Variants in XKR6 observed in about 807,000 individuals in gnomAD.
The protein encoded by XKR6 is XK-related protein 6.
XKR6 carries 22 observed loss-of-function variants against 56.7 expected under a neutral mutation model. The observed-to-expected ratio is 0.39, with a 90% CI of 0.28 to 0.55. The LOEUF is 0.55. Ranked by LOEUF, XKR6 falls within the 20% of genes least tolerant of loss-of-function variation. The pLI is 0.66. For synonymous variants in XKR6, 524 were observed against 387.8 expected (o/e 1.35, Z -4.13); for missense variants, 852 against 889.0 (o/e 0.96, Z 0.53).
intron 1 of XKR6, chr8:11,114,117 G>A: frequency 2.3e-6 from 1 of 435,534 alleles, no homozygotes; most frequent in Non-Finnish European, 4.5e-6. Flanking sequence ...ACATGTGAAT[G>A]AACAAATGAG....
chr8:10,900,955 A>G (rs1388969729), intron 2 of XKR6, among the ~76,000 whole-genome samples: 1 of 149,594 alleles, frequency 6.7e-6, no homozygotes, highest in Admixed American at 6.7e-5. Flanking sequence ...CCTGTGCTCA[A>G]GTGATCCTCC....
intron 1 of XKR6, among the ~76,000 whole-genome samples, chr8:11,129,303 A>C (rs1799985403): frequency 6.6e-6 from 1 of 152,148 alleles, no homozygotes; most frequent in Non-Finnish European, 1.5e-5. Context: ...AATACCTAAT[A>C]CCCCTGATGT....
At chr8:10,966,063 G>C (rs1802213062) in intron 1 of XKR6, among the ~76,000 whole-genome samples, 1 of 152,188 alleles carries the variant, frequency 6.6e-6, no homozygotes, top group African/African-American at 2.4e-5. Context: ...GGTACATCCA[G>C]ATAACTTGGG....
chr8:11,192,183 G>C (rs1031977678), intron 1 of XKR6, among the ~76,000 whole-genome samples: 1 of 151,892 alleles, frequency 6.6e-6, no homozygotes, highest in African/African-American at 2.4e-5. Flanking sequence ...TTGTGAGGTG[G>C]AGTCTCGCTC....
At chr8:11,119,477 A>C (rs1799341353) in intron 1 of XKR6, among the ~76,000 whole-genome samples, 1 of 152,210 alleles carries the variant, frequency 6.6e-6, no homozygotes, top group South Asian at 2.1e-4. Flanking sequence ...GACTTGCTTT[A>C]TGAATCTGGG....
At chr8:11,174,700 C>T (rs942528761) in intron 1 of XKR6, among the ~76,000 whole-genome samples, 1 of 152,150 alleles carries the variant, frequency 6.6e-6, no homozygotes, top group African/African-American at 2.4e-5. Context: ...CCAGAGGTCA[C>T]GCTCAGTTAC....
chr8:10,949,510 C>T (rs796235804), intron 1 of XKR6, among the ~76,000 whole-genome samples: 5 of 152,236 alleles, frequency 3.3e-5, no homozygotes, highest in Admixed American at 6.5e-5. Flanking sequence ...GAAGGCACAC[C>T]TGTTCCTAGA....
intron 1 of XKR6, among the ~76,000 whole-genome samples, chr8:11,022,906 G>C (rs1798778331): frequency 6.6e-6 from 1 of 152,180 alleles, no homozygotes; most frequent in Admixed American, 6.5e-5. Flanking sequence ...CAGGGCAGGA[G>C]GCCCGGGGCT....
intron 1 of XKR6, among the ~76,000 whole-genome samples, chr8:10,989,738 TC>T (rs772028375): frequency 5.3e-5 from 8 of 152,240 alleles, no homozygotes; most frequent in Admixed American, 4.6e-4. Flanking sequence ...ATAGCACTGT[TC>T]AGAAGTATTA....
chr8:11,120,535 G>C (rs1385797129), intron 1 of XKR6, among the ~76,000 whole-genome samples: 2 of 152,094 alleles, frequency 1.3e-5, no homozygotes, highest in Non-Finnish European at 2.9e-5. Context: ...CGAAATAAAA[G>C]AGGATACAAA....
At chr8:10,941,976 C>T (rs921200505) in intron 1 of XKR6, among the ~76,000 whole-genome samples, 1 of 152,198 alleles carries the variant, frequency 6.6e-6, no homozygotes, top group Non-Finnish European at 1.5e-5. Flanking sequence ...TCCAAAAAGA[C>T]TCAGAAAGCC....
chr8:10,957,301 G>A (rs1801918855), intron 1 of XKR6, among the ~76,000 whole-genome samples: 1 of 152,188 alleles, frequency 6.6e-6, no homozygotes, highest in African/African-American at 2.4e-5. Context: ...AATCAGGAAA[G>A]CACAGAAAGG....
chr8:11,027,571 T>C (rs995325135), intron 1 of XKR6, among the ~76,000 whole-genome samples: 23 of 152,200 alleles, frequency 1.5e-4, no homozygotes, highest in Non-Finnish European at 2.4e-4. Context: ...CTCAGAGAAG[T>C]AGTAAATTAC....
chr8:11,018,361 G>C (rs1036479011), intron 1 of XKR6, among the ~76,000 whole-genome samples: 3 of 152,230 alleles, frequency 2.0e-5, no homozygotes, highest in African/African-American at 7.2e-5. Flanking sequence ...CACCTGCAGA[G>C]ATATTTGACA....
At chr8:11,121,023 G>A (rs150689496) in intron 1 of XKR6, among the ~76,000 whole-genome samples, 6,804 of 152,146 alleles carry the variant, frequency 0.045, 155 homozygotes, top group South Asian at 0.11. Flanking sequence ...TTACACCTTA[G>A]ACAAAAATTA....
intron 1 of XKR6, among the ~76,000 whole-genome samples, chr8:11,130,624 T>G (rs1476786609): frequency 2.0e-5 from 3 of 151,976 alleles, no homozygotes; most frequent in Non-Finnish European, 2.9e-5. Context: ...TTTTTTTTTT[T>G]TTAAGTTAAC....
chr8:11,023,179 C>G (rs111580770), intron 1 of XKR6, among the ~76,000 whole-genome samples: 11 of 152,226 alleles, frequency 7.2e-5, no homozygotes, highest in African/African-American at 2.4e-4. Context: ...GGAGGGCCCT[C>G]CCTCCATGTC....
chr8:11,123,713 A>C (rs1041364882), intron 1 of XKR6: 1 of 374,160 alleles, frequency 2.7e-6, no homozygotes, highest in African/African-American at 2.1e-5. Context: ...AAGAGGCTGA[A>C]TCTCCTGAAG....
chr8:11,141,465 AG>A (rs1158363154), intron 1 of XKR6, among the ~76,000 whole-genome samples: 2 of 152,234 alleles, frequency 1.3e-5, no homozygotes, highest in Admixed American at 1.3e-4. Context: ...TTCTCAGTGT[AG>A]AAAAAAGAAA....
Sources: gnomAD v4.1 joint callset for allele counts (sites outside exome capture counted in the v4.1 genomes callset) on GRCh38, gnomAD v4.1.1 for gene constraint, MANE v1.5 for transcripts, NCBI Gene and HGNC (gene_info 2026-07-23, HGNC 2026-07-21) for gene names.